The following SMYD3 variants were observed in gnomAD, a reference collection of about 807,000 sequenced individuals.
The protein encoded by SMYD3 is SET and MYND domain containing 3, also known as histone-lysine N-methyltransferase SMYD3.
Under a neutral mutation model 57.7 loss-of-function variants are expected in SMYD3, and 36 were observed. The observed-to-expected ratio is 0.62, with a 90% CI of 0.48 to 0.82. The LOEUF is 0.82. SMYD3 is among the 40% of genes least tolerant of loss of function. SMYD3 has a pLI of 0.00. For synonymous variants in SMYD3, 211 were observed against 195.0 expected (o/e 1.08, Z -0.68); for missense variants, 515 against 538.8 (o/e 0.96, Z 0.44).
intron 5 of SMYD3, among the ~76,000 whole-genome samples, chr1:246,255,066 C>CT (rs879361880): frequency 6.6e-6 from 1 of 152,094 alleles, no homozygotes; most frequent in African/African-American, 2.4e-5. Flanking sequence ...AATCATATCA[C>CT]TTGCAAAGAG....
At chr1:246,222,233 A>C (rs2063266626) in intron 5 of SMYD3, among the ~76,000 whole-genome samples, 1 of 152,146 alleles carries the variant, frequency 6.6e-6, no homozygotes, top group East Asian at 1.9e-4. Flanking sequence ...GCTACTAATA[A>C]TCATAATAGA....
chr1:246,288,498 G>A (rs2148588737), intron 5 of SMYD3, among the ~76,000 whole-genome samples: 1 of 152,210 alleles, frequency 6.6e-6, no homozygotes, highest in East Asian at 1.9e-4. Context: ...GTAATGCAGA[G>A]ACTAAGACTC....
In SMYD3 at chr1:246,278,958, CTTCT is replaced by C. The variant is rs1369847484; in HGVS notation, c.531+48239_531+48242del. Reference sequence around the variant, plus strand: ...GACTGTTGTCAGGATCATGCAGCAACTTCTTTAACAAGTCATGCTGCCCTGTGTT... The same window carrying C: ...GACTGTTGTCAGGATCATGCAGCAACTTAACAAGTCATGCTGCCCTGTGTT... On this transcript the variant is annotated intron_variant, in intron 5 of 11. Transcript: ENST00000490107. 2.6e-5 allele frequency among the ~76,000 whole-genome samples: 4 copies of C among 152,184 alleles called. No individual in the cohort carries two copies. In the East Asian group the frequency reaches 5.8e-4, roughly 22 times the overall value.
intron 5 of SMYD3, among the ~76,000 whole-genome samples, chr1:246,225,386 A>G (rs1401527225): frequency 2.0e-5 from 3 of 150,356 alleles, no homozygotes; most frequent in Non-Finnish European, 4.4e-5. Context: ...TGGCAAGACT[A>G]AAGGTCTTTG....
chr1:245,839,392 A>G (rs1403284100), intron 10 of SMYD3, among the ~76,000 whole-genome samples: 3 of 151,702 alleles, frequency 2.0e-5, no homozygotes, highest in African/African-American at 7.3e-5. Context: ...GATGGTCTCG[A>G]TCTCCTGACC....
chr1:245,767,158 G>A (rs2046150015), intron 10 of SMYD3, among the ~76,000 whole-genome samples: 1 of 152,152 alleles, frequency 6.6e-6, no homozygotes, highest in Non-Finnish European at 1.5e-5. Flanking sequence ...AGGGCCTGGA[G>A]GTAGTAGTCT....
At chr1:245,877,979 T>A (rs1223462543) in intron 8 of SMYD3, among the ~76,000 whole-genome samples, 1 of 151,242 alleles carries the variant, frequency 6.6e-6, no homozygotes, top group Non-Finnish European at 1.5e-5. Context: ...AGCGGAGAAG[T>A]AAAGGAGGGC....
intron 5 of SMYD3, 199 bp from the exon 6 acceptor site, chr1:245,930,136 A>T: frequency 1.6e-6 from 1 of 610,956 alleles, no homozygotes; most frequent in South Asian, 1.6e-5. Flanking sequence ...TCAGGTGGTT[A>T]AGTGCAGAAA....
intron 10 of SMYD3, among the ~76,000 whole-genome samples, chr1:245,832,767 C>T (rs1170108233): frequency 6.6e-6 from 1 of 152,104 alleles, no homozygotes; most frequent in African/African-American, 2.4e-5. Flanking sequence ...GAATAAACAA[C>T]ATAATGTTGA....
chr1:246,347,465 G>C (rs946363974), intron 2 of SMYD3, among the ~76,000 whole-genome samples: 1 of 152,168 alleles, frequency 6.6e-6, no homozygotes, highest in Admixed American at 6.5e-5. Flanking sequence ...GTATATGTCT[G>C]TTTTAGGTGT....
intron 5 of SMYD3, among the ~76,000 whole-genome samples, chr1:246,083,629 C>A (rs74545095): frequency 0.055 from 8,399 of 152,266 alleles, 356 homozygotes; most frequent in Middle Eastern, 0.099. Context: ...GGGCAGGCCA[C>A]CCCTTCAGTT....
At chr1:246,402,381 T>TTTTTTTTTTTTTTTTTTTTTTTGAG (rs1239559421) in intron 1 of SMYD3, among the ~76,000 whole-genome samples, 1 of 151,502 alleles carries the variant, frequency 6.6e-6, no homozygotes, top group Non-Finnish European at 1.5e-5. Flanking sequence ...AACGCCATCT[T>TTTTTTTTTTTTTTTTTTTTTTTGAG]AAAGATGATC....
intron 1 of SMYD3, among the ~76,000 whole-genome samples, chr1:246,360,318 T>C (rs768713057): frequency 7.9e-5 from 12 of 151,978 alleles, no homozygotes; most frequent in Non-Finnish European, 1.6e-4. Context: ...CACAAACAAA[T>C]GGAAACATGT....
intron 5 of SMYD3, among the ~76,000 whole-genome samples, chr1:246,163,208 T>C (rs958497598): frequency 6.6e-6 from 1 of 152,162 alleles, no homozygotes; most frequent in Non-Finnish European, 1.5e-5. Context: ...ACAATGAAAA[T>C]AGTTTATTCT....
intron 10 of SMYD3, among the ~76,000 whole-genome samples, chr1:245,834,660 C>T (rs1158147621): frequency 6.6e-6 from 1 of 152,126 alleles, no homozygotes; most frequent in Non-Finnish European, 1.5e-5. Context: ...TCTGAGCAGC[C>T]CCAGTGGAGC....
chr1:245,875,241 T>C (rs2052424407), intron 8 of SMYD3, among the ~76,000 whole-genome samples: 1 of 152,190 alleles, frequency 6.6e-6, no homozygotes, highest in African/African-American at 2.4e-5. Flanking sequence ...AAACCAAGCA[T>C]GCATTACTGT....
At position 246,092,870 on chromosome 1, in the gene SMYD3, A is replaced by G. The variant is rs111490545; in HGVS notation, c.532-162933T>C. Among the ~76,000 whole-genome samples, 23 of 152,274 alleles carry G rather than the reference A, an allele frequency of 1.5e-4. 1 individual carries two copies. Among genetic ancestry groups the G allele is most frequent in the African/African-American group, 5.3e-4 (22 of 41,560 alleles). ...ACTCTCCATCTGACAAGTGATTAATAATGAGACTATATAAGGAACTCAACT... is the reference window on the plus strand; with the variant it reads ...ACTCTCCATCTGACAAGTGATTAATGATGAGACTATATAAGGAACTCAACT... On this transcript the variant is annotated intron_variant, in intron 5 of 11. Coordinates refer to ENST00000490107, the MANE Select transcript of SMYD3 (RefSeq NM_001167740.2).
chr1:246,416,830 A>AG (rs2067070385), intron 1 of SMYD3, among the ~76,000 whole-genome samples: 1 of 152,138 alleles, frequency 6.6e-6, no homozygotes, highest in South Asian at 2.1e-4. Flanking sequence ...AAGCACAGAG[A>AG]GGGGCTCTCT....
chr1:246,223,429 C>T (rs1358592914), intron 5 of SMYD3, among the ~76,000 whole-genome samples: 1 of 152,114 alleles, frequency 6.6e-6, no homozygotes, highest in Non-Finnish European at 1.5e-5. Flanking sequence ...AAGATAGAGG[C>T]AGCCTGAGTC....
Sources: gnomAD v4.1 joint callset for allele counts (sites outside exome capture counted in the v4.1 genomes callset) on GRCh38, gnomAD v4.1.1 for gene constraint, MANE v1.5 for transcripts, NCBI Gene and HGNC (gene_info 2026-07-23, HGNC 2026-07-21) for gene names.